Variants in PTPRD observed in about 807,000 individuals in gnomAD.
The protein encoded by PTPRD is receptor-type tyrosine-protein phosphatase delta.
PTPRD carries 34 observed loss-of-function variants against 214.5 expected under a neutral mutation model. That is an observed-to-expected ratio of 0.16 (90% CI 0.12 to 0.21). PTPRD has a LOEUF of 0.21. Ranked by LOEUF, PTPRD falls within the 10% of genes least tolerant of loss-of-function variation. The pLI, the probability that PTPRD is intolerant of heterozygous loss-of-function variation, is 1.00. For missense variants in PTPRD, 2,545 were observed against 2,398.7 expected (o/e 1.06, Z -1.27); for synonymous variants, 1,128 against 845.7 (o/e 1.33, Z -5.79).
At chr9:9,524,958 C>T (rs549074910) in intron 8 of PTPRD, among the ~76,000 whole-genome samples, 2 of 152,166 alleles carry the variant, frequency 1.3e-5, no homozygotes, top group Admixed American at 6.5e-5. Flanking sequence ...TCCAGGTTCA[C>T]GCCATTCTCC....
intron 35 of PTPRD, among the ~76,000 whole-genome samples, chr9:8,436,298 A>G (rs923905419): frequency 1.3e-5 from 2 of 152,004 alleles, no homozygotes. Context: ...ATAATGCATA[A>G]TATGTAAATA....
chr9:9,443,153 T>C (rs980072847), intron 8 of PTPRD, among the ~76,000 whole-genome samples: 2 of 152,110 alleles, frequency 1.3e-5, no homozygotes, highest in Non-Finnish European at 2.9e-5. Context: ...GTTCTTAATA[T>C]CCATTCCTCT....
intron 8 of PTPRD, among the ~76,000 whole-genome samples, chr9:9,489,763 T>C (rs1189181999): frequency 6.6e-6 from 1 of 151,996 alleles, no homozygotes; most frequent in Non-Finnish European, 1.5e-5. Context: ...CTAATGTATC[T>C]GTGGAGCACC....
chr9:9,179,460 G>C (rs896910594), intron 10 of PTPRD, among the ~76,000 whole-genome samples: 2 of 152,024 alleles, frequency 1.3e-5, no homozygotes, highest in African/African-American at 2.4e-5. Flanking sequence ...TAACCAAATT[G>C]ACTAAACTTG....
chr9:8,864,576 T>G (rs929742745), intron 11 of PTPRD, among the ~76,000 whole-genome samples: 8 of 152,198 alleles, frequency 5.3e-5, no homozygotes, highest in Non-Finnish European at 2.9e-5. Flanking sequence ...TAAAGGTTCT[T>G]TCTAACAGGG....
At chr9:10,048,638 G>C (rs182326255) in intron 3 of PTPRD, among the ~76,000 whole-genome samples, 11 of 151,880 alleles carry the variant, frequency 7.2e-5, no homozygotes, top group African/African-American at 2.7e-4. Context: ...AAAAATCTTC[G>C]AGGAGGTAGG....
intron 7 of PTPRD, among the ~76,000 whole-genome samples, chr9:9,641,035 A>C (rs2095926821): frequency 9.9e-6 from 1 of 101,198 alleles, no homozygotes; most frequent in Non-Finnish European, 2.7e-5. Context: ...AGCAGAAATT[A>C]CTAATGATTT....
chr9:9,046,951 C>T (rs1050863555), intron 10 of PTPRD, among the ~76,000 whole-genome samples: 2 of 151,964 alleles, frequency 1.3e-5, no homozygotes, highest in East Asian at 1.9e-4. Flanking sequence ...TAAAAGGCAT[C>T]CAAATTGGAA....
In PTPRD at chr9:10,505,485, G is replaced by A. The variant is rs535276082; in HGVS notation, c.-600+106913C>T. ...ATCAGCCACTGAGTCAAACAGCTAC[G>A]AAGCTCTCACCTGTCAACAGTGGGT... On this transcript the variant is annotated intron_variant, in intron 2 of 45. Coordinates refer to ENST00000381196, the MANE Select transcript of PTPRD (RefSeq NM_002839.4). Among the ~76,000 whole-genome samples, 93 of 152,248 alleles carry A rather than the reference G, an allele frequency of 6.1e-4. No homozygotes were observed. In the South Asian group the frequency reaches 0.012, roughly 19 times the overall value.
At chr9:9,593,491 T>G (rs1279022704) in intron 7 of PTPRD, among the ~76,000 whole-genome samples, 1 of 151,946 alleles carries the variant, frequency 6.6e-6, no homozygotes, top group Non-Finnish European at 1.5e-5. Context: ...AAGACATATT[T>G]GAGAGAATAT....
At chr9:9,309,421 T>C (rs978583608) in intron 9 of PTPRD, among the ~76,000 whole-genome samples, 1 of 152,188 alleles carries the variant, frequency 6.6e-6, no homozygotes, top group African/African-American at 2.4e-5. Context: ...CAAAACTATT[T>C]CAGCTGCTAG....
intron 2 of PTPRD, among the ~76,000 whole-genome samples, chr9:10,411,822 A>T (rs538525783): frequency 1.3e-5 from 2 of 151,954 alleles, no homozygotes; most frequent in African/African-American, 4.8e-5. Context: ...ATTATGATCA[A>T]GTTAAAACAT....
chr9:9,100,933 G>A (rs192083761), intron 10 of PTPRD, among the ~76,000 whole-genome samples: 52 of 152,110 alleles, frequency 3.4e-4, no homozygotes, highest in Admixed American at 1.8e-3. Context: ...TTTATAATGC[G>A]TAAATTGGAT....
intron 7 of PTPRD, among the ~76,000 whole-genome samples, chr9:9,588,298 T>C (rs940951266): frequency 9.9e-5 from 15 of 151,942 alleles, no homozygotes; most frequent in Non-Finnish European, 2.2e-4. Context: ...TTTCAGTTCA[T>C]TCAGTTCCTT....
At chr9:10,029,467 G>A (rs1020168342) in intron 4 of PTPRD, among the ~76,000 whole-genome samples, 7 of 152,108 alleles carry the variant, frequency 4.6e-5, no homozygotes, top group Non-Finnish European at 7.4e-5. Flanking sequence ...AAAGCCACAG[G>A]GGCAGCCATG....
At position 9,618,071 on chromosome 9, in the gene PTPRD, CAAAAAAAAAAAAAAAA is replaced by C. The variant is rs34125624; in HGVS notation, c.-286-43306_-286-43291del. On this transcript the variant is annotated intron_variant, in intron 7 of 45. Coordinates refer to ENST00000381196, the MANE Select transcript of PTPRD (RefSeq NM_002839.4). ...TGGGCGACAGAGCGAGACTCCATCT[CAAAAAAAAAAAAAAAA>C]AAAAAAAAAAAAAAAAAGATTTTGT... Among the ~76,000 whole-genome samples the C allele has an allele frequency of 2.2e-4, 5 of 23,024 alleles. 1 individual carries two copies. Among genetic ancestry groups the C allele is most frequent in the Non-Finnish European group, 3.9e-4 (5 of 12,786 alleles). The allele number at this position is 23,024 out of a possible 152,430, so 15.1% of individuals were successfully genotyped here.
In PTPRD at chr9:10,292,175, C is replaced by T. The variant is rs144709756; in HGVS notation, c.-545+48788G>A. 1.8e-3 allele frequency among the ~76,000 whole-genome samples: 275 copies of T among 152,122 alleles called. 1 individual carries two copies. The highest frequency in any genetic ancestry group is 6.4e-3 in the African/African-American group (267 of 41,508). ...ATCCTCATAAAAGACAGCACATTTT[C>T]AATTGCCCAAGTAAAAGATACTGAG... is the stretch of plus-strand genomic sequence containing the variant. On this transcript the variant is annotated intron_variant, in intron 3 of 45. Transcript: ENST00000381196.
At chr9:10,181,184 G>A in intron 3 of PTPRD, among the ~76,000 whole-genome samples, 1 of 151,964 alleles carries the variant, frequency 6.6e-6, no homozygotes. Flanking sequence ...CTAATCTTTA[G>A]AGCTAAAAAT....
chr9:8,685,377 G>T (rs934489084), intron 12 of PTPRD, among the ~76,000 whole-genome samples: 1 of 151,830 alleles, frequency 6.6e-6, no homozygotes, highest in East Asian at 1.9e-4. Context: ...AATCATTTTT[G>T]AAGGTTCCAG....
Sources: allele counts gnomAD v4.1 joint callset (sites outside exome capture counted in the v4.1 genomes callset), GRCh38; gene constraint gnomAD v4.1.1; transcripts MANE v1.5; gene names NCBI Gene and HGNC (gene_info 2026-07-23, HGNC 2026-07-21).